Variants in TMSB15B observed in about 807,000 individuals in gnomAD.
The protein encoded by TMSB15B is thymosin beta 15B.
chrX:103,923,159 T>G (rs1388076954), intron 1 of TMSB15B, among the ~76,000 whole-genome samples: 1 of 112,074 alleles, frequency 8.9e-6, no homozygotes, highest in African/African-American at 3.2e-5. Context: ...AGGTTGCCTA[T>G]TCACTCTGAT....
intron 1 of TMSB15B, among the ~76,000 whole-genome samples, chrX:103,930,172 A>AC (rs1304968226): frequency 9.0e-6 from 1 of 111,407 alleles, no homozygotes; most frequent in Non-Finnish European, 1.9e-5. Context: ...GCCATAATGA[A>AC]CCTTGTTCTC....
chrX:103,942,956 CAT>C (rs1375548088), intron 1 of TMSB15B, among the ~76,000 whole-genome samples: 11 of 111,339 alleles, frequency 9.9e-5, no homozygotes, highest in African/African-American at 3.6e-4. Context: ...TTCAGTATAA[CAT>C]ATGTTGATTA....
chrX:103,938,648 A>G (rs1267829648), intron 1 of TMSB15B, among the ~76,000 whole-genome samples: 5 of 112,015 alleles, frequency 4.5e-5, no homozygotes, highest in Non-Finnish European at 9.4e-5. Flanking sequence ...CATTTAGCCC[A>G]TTTACATTTA....
chrX:103,942,493 G>A (rs1556325707), intron 1 of TMSB15B, among the ~76,000 whole-genome samples: 3 of 111,824 alleles, frequency 2.7e-5, no homozygotes, highest in Admixed American at 9.5e-5. Context: ...TGCCAATACA[G>A]CATTGCCTTA....
chrX:103,953,193 T>G (rs1423510373), intron 1 of TMSB15B, among the ~76,000 whole-genome samples: 4 of 110,939 alleles, frequency 3.6e-5, no homozygotes, highest in East Asian at 5.7e-4. Context: ...CTTCCATGGA[T>G]TTTTGCAACC....
chrX:103,946,884 C>T (rs1340770901), intron 1 of TMSB15B, among the ~76,000 whole-genome samples: 1 of 111,206 alleles, frequency 9.0e-6, no homozygotes. Flanking sequence ...ATATTTGATT[C>T]GACAAACATT....
intron 1 of TMSB15B, chrX:103,930,973 A>G (rs1428721836): frequency 3.6e-5 from 4 of 111,177 alleles, no homozygotes; most frequent in Non-Finnish European, 7.5e-5. Flanking sequence ...CTCCACTTGC[A>G]TCTCCTTACT....
At chrX:103,940,363 A>C (rs1175236577) in intron 1 of TMSB15B, among the ~76,000 whole-genome samples, 1 of 112,057 alleles carries the variant, frequency 8.9e-6, no homozygotes, top group African/African-American at 3.2e-5. Context: ...CCCAGAGAGG[A>C]GGAATCTAGA....
At chrX:103,923,413 C>T (rs1259248126) in intron 1 of TMSB15B, among the ~76,000 whole-genome samples, 1 of 112,093 alleles carries the variant, frequency 8.9e-6, no homozygotes, top group African/African-American at 3.2e-5. Flanking sequence ...TTTCAGCTTT[C>T]CTCATATGGC....
chrX:103,935,303 TTG>T (rs2074994494), intron 1 of TMSB15B, among the ~76,000 whole-genome samples: 1 of 112,220 alleles, frequency 8.9e-6, no homozygotes, highest in African/African-American at 3.2e-5. Flanking sequence ...GCCTGTTCTC[TTG>T]GATGAGAGTT....
chrX:103,941,725 T>G (rs2075013152), intron 1 of TMSB15B, among the ~76,000 whole-genome samples: 1 of 112,284 alleles, frequency 8.9e-6, no homozygotes, highest in Non-Finnish European at 1.9e-5. Flanking sequence ...CCTAATGGCA[T>G]GTACCAGTTC....
intron 1 of TMSB15B, among the ~76,000 whole-genome samples, chrX:103,935,837 G>A (rs186389205): frequency 1.1e-3 from 118 of 106,540 alleles, no homozygotes; most frequent in African/African-American, 3.9e-3. Flanking sequence ...TGGTTACATA[G>A]GAGTTGTTTT....
chrX:103,930,182 C>T (rs1438315450), intron 1 of TMSB15B, among the ~76,000 whole-genome samples: 2 of 111,652 alleles, frequency 1.8e-5, no homozygotes, highest in South Asian at 7.6e-4. Flanking sequence ...ACCTTGTTCT[C>T]TCCCCAAACA....
intron 1 of TMSB15B, among the ~76,000 whole-genome samples, chrX:103,924,273 A>G (rs1365504462): frequency 3.6e-5 from 4 of 110,989 alleles, no homozygotes; most frequent in Non-Finnish European, 7.6e-5. Context: ...TTCTCACCAC[A>G]TGGGGTAGGC....
chrX:103,955,967 C>T (rs1469678960), intron 1 of TMSB15B, among the ~76,000 whole-genome samples: 1 of 110,664 alleles, frequency 9.0e-6, no homozygotes, highest in Non-Finnish European at 1.9e-5. Context: ...CCCTAGAAGC[C>T]AGAAGAGATT....
At chrX:103,938,355 A>G (rs782620152) in intron 1 of TMSB15B, among the ~76,000 whole-genome samples, 2 of 112,022 alleles carry the variant, frequency 1.8e-5, no homozygotes, top group Admixed American at 1.9e-4. Context: ...TATTCGTTGC[A>G]TATATATTTA....
At chrX:103,928,365 G>T in intron 1 of TMSB15B, 1 of 1,210,340 alleles carries the variant, frequency 8.3e-7, no homozygotes, top group African/African-American at 1.7e-5. Flanking sequence ...CCAAGATGTT[G>T]CAAGGGACTC....
intron 1 of TMSB15B, among the ~76,000 whole-genome samples, chrX:103,950,342 G>A (rs1348356964): frequency 9.0e-6 from 1 of 111,055 alleles, no homozygotes; most frequent in Non-Finnish European, 1.9e-5. Context: ...GAACAGCAGG[G>A]AGGCTACAGC....
At chrX:103,953,134 C>G (rs2075042889) in intron 1 of TMSB15B, among the ~76,000 whole-genome samples, 1 of 111,375 alleles carries the variant, frequency 9.0e-6, no homozygotes, top group African/African-American at 3.3e-5. Flanking sequence ...CGGAAGCTCC[C>G]CACCGAAAGA....
Sources: gnomAD v4.1 joint callset for allele counts (sites outside exome capture counted in the v4.1 genomes callset) on GRCh38, gnomAD v4.1.1 for gene constraint, MANE v1.5 for transcripts, NCBI Gene and HGNC (gene_info 2026-07-23, HGNC 2026-07-21) for gene names.